Variants in RNF121 observed in about 807,000 individuals in gnomAD.
RNF121 encodes ring finger protein 121, also known as E3 ubiquitin ligase RNF121.
A neutral mutation model predicts 46.5 loss-of-function variants in RNF121; 21 were observed. The ratio of observed to expected loss-of-function variants is 0.45; its 90% CI spans 0.32 to 0.65. The LOEUF is 0.65. Ranked by LOEUF, RNF121 falls within the 30% of genes least tolerant of loss-of-function variation. The pLI is 0.04. For missense variants in RNF121, 346 were observed against 416.0 expected, an observed-to-expected ratio of 0.83 and a Z score of 1.46; for synonymous variants, 139 against 144.7, an observed-to-expected ratio of 0.96 and a Z score of 0.28.
At chr11:71,971,845 A>G (rs1304491735) in intron 3 of RNF121, among the ~76,000 whole-genome samples, 1 of 152,180 alleles carries the variant, frequency 6.6e-6, no homozygotes, top group Non-Finnish European at 1.5e-5. Context: ...TGGTACAGGC[A>G]TTGTGGATAG....
intron 2 of RNF121, among the ~76,000 whole-genome samples, chr11:71,960,355 G>A (rs965850482): frequency 3.9e-5 from 6 of 152,202 alleles, no homozygotes; most frequent in Non-Finnish European, 5.9e-5. Flanking sequence ...AAGCGTATGA[G>A]ACTTTATGTC....
chr11:71,990,821 C>A (rs2134217667), intron 6 of RNF121, 104 bp downstream of exon 6: 1 of 1,395,866 alleles, frequency 7.2e-7, no homozygotes, highest in Non-Finnish European at 9.8e-7. Flanking sequence ...GTGAGATAAG[C>A]CACATAAAAT....
In RNF121 at chr11:71,934,938, A is replaced by ACTTTTTTTT. The variant is rs780793577; in HGVS notation, c.63+5814_63+5815insCTTTTTTTT. ...GTCCTGTGCCAAGTGTTCCAAATGCATTCTTTTTTTTTTTTTTTTTTTTTA... is the reference window on the plus strand; with the variant it reads ...GTCCTGTGCCAAGTGTTCCAAATGCACTTTTTTTTTTCTTTTTTTTTTTTTTTTTTTTTA... On this transcript the variant is annotated intron_variant, in intron 1 of 8. Transcript: ENST00000361756. Among the ~76,000 whole-genome samples the ACTTTTTTTT allele has an allele frequency of 6.9e-5, 10 of 145,100 alleles. 5 individuals carry two copies. Among genetic ancestry groups the ACTTTTTTTT allele is most frequent in the Non-Finnish European group, 3.0e-5 (2 of 67,046 alleles).
chr11:71,974,069 G>C (rs143842636), intron 3 of RNF121, among the ~76,000 whole-genome samples: 1 of 151,950 alleles, frequency 6.6e-6, no homozygotes, highest in Non-Finnish European at 1.5e-5. Context: ...AGCCTCCTGA[G>C]TAGCTGGGAC....
intron 1 of RNF121, among the ~76,000 whole-genome samples, chr11:71,951,782 T>C (rs181516450): frequency 6.6e-6 from 1 of 152,244 alleles, no homozygotes; most frequent in Non-Finnish European, 1.5e-5. Context: ...CACATTGAGA[T>C]ACCATTTCAT....
chr11:71,950,476 G>A (rs543317095), intron 1 of RNF121, among the ~76,000 whole-genome samples: 6 of 151,486 alleles, frequency 4.0e-5, no homozygotes, highest in Admixed American at 2.6e-4. Flanking sequence ...CCCAGCTACT[G>A]GGGAGGCTGA....
At chr11:71,978,370 A>T (rs1350914273) in intron 3 of RNF121, 4 of 214,468 alleles carry the variant, frequency 1.9e-5, no homozygotes, top group East Asian at 1.7e-4. Flanking sequence ...TCACTCCCTA[A>T]TGGAGATGGC....
At chr11:71,977,262 C>A (rs1040581400) in intron 3 of RNF121, among the ~76,000 whole-genome samples, 1 of 152,186 alleles carries the variant, frequency 6.6e-6, no homozygotes, top group Admixed American at 6.5e-5. Flanking sequence ...GATGAGAATC[C>A]TGAAAGTCAA....
chr11:71,995,340 A>G (rs1954953068), intron 7 of RNF121, 110 bp from the exon 8 acceptor site: 1 of 825,812 alleles, frequency 1.2e-6, no homozygotes, highest in Non-Finnish European at 2.0e-6. Flanking sequence ...GACTTGCCCA[A>G]CATTACAGAG....
intron 3 of RNF121, among the ~76,000 whole-genome samples, chr11:71,967,123 G>T (rs1196502956): frequency 1.4e-5 from 2 of 146,580 alleles, no homozygotes; most frequent in Admixed American, 1.4e-4. Context: ...CACCCGCCTC[G>T]GCCTCCCAAA....
intron 1 of RNF121, among the ~76,000 whole-genome samples, chr11:71,942,763 T>C (rs181652820): frequency 3.7e-4 from 19 of 50,732 alleles, no homozygotes; most frequent in Admixed American, 9.0e-4. Flanking sequence ...AAAAAAAATC[T>C]ATATATCTGT....
At chr11:71,959,629 CTCT>C (rs1252482138) in intron 2 of RNF121, among the ~76,000 whole-genome samples, 48 of 150,234 alleles carry the variant, frequency 3.2e-4, no homozygotes, top group Non-Finnish European at 3.0e-4. Flanking sequence ...TCTTCTCTCT[CTCT>C]TCTTCTTTTT....
intron 3 of RNF121, among the ~76,000 whole-genome samples, chr11:71,971,305 GC>G (rs1954415823): frequency 6.6e-6 from 1 of 152,152 alleles, no homozygotes; most frequent in African/African-American, 2.4e-5. Flanking sequence ...GATCACTTGA[GC>G]CCAAGAGTTT....
At chr11:71,942,785 T>TATATATATATATATATATATATAG (rs1445316481) in intron 1 of RNF121, among the ~76,000 whole-genome samples, 1 of 9,354 alleles carries the variant, frequency 1.1e-4, no homozygotes, top group East Asian at 8.5e-4. Flanking sequence ...TATATATATA[T>TATATATATATATATATATATATAG]ATATAGATAT....
intron 4 of RNF121, chr11:71,983,262 T>C (rs1370931271): frequency 5.9e-6 from 1 of 168,902 alleles, no homozygotes; most frequent in African/African-American, 2.4e-5. Context: ...ATTCTGTCAT[T>C]GCACAGTAGT....
chr11:71,972,600 G>A (rs1020107369), intron 3 of RNF121, among the ~76,000 whole-genome samples: 6 of 151,832 alleles, frequency 4.0e-5, no homozygotes, highest in South Asian at 2.1e-4. Flanking sequence ...TTTTTTTCTC[G>A]GGGGCTGTCC....
chr11:71,995,218 T>A, intron 7 of RNF121: 1 of 586,736 alleles, frequency 1.7e-6, no homozygotes. Context: ...GCTCCCATTC[T>A]CTGCCTATGT....
intron 1 of RNF121, among the ~76,000 whole-genome samples, chr11:71,934,343 A>G (rs976092792): frequency 6.6e-6 from 1 of 152,160 alleles, no homozygotes; most frequent in Non-Finnish European, 1.5e-5. Flanking sequence ...GTACATGCAA[A>G]ATATGTCACA....
intron 6 of RNF121, 144 bp from the exon 7 acceptor site, chr11:71,994,575 A>T (rs955816181): frequency 3.2e-4 from 143 of 446,992 alleles, no homozygotes; most frequent in South Asian, 9.3e-4. Context: ...TAAACAGTTT[A>T]AAAAAAAAAA....
Sources: gnomAD v4.1 joint callset for allele counts (sites outside exome capture counted in the v4.1 genomes callset) on GRCh38, gnomAD v4.1.1 for gene constraint, MANE v1.5 for transcripts, NCBI Gene and HGNC (gene_info 2026-07-23, HGNC 2026-07-21) for gene names.